The following LNX1 variants were observed in gnomAD, a reference collection of about 807,000 sequenced individuals.
LNX1 encodes the protein E3 ubiquitin-protein ligase LNX.
LNX1 carries 54 observed loss-of-function variants against 68.4 expected under a neutral mutation model. The observed-to-expected ratio is 0.79, with a 90% CI of 0.63 to 0.99. The LOEUF (loss-of-function observed/expected upper bound fraction) is 0.99. Among genes scored for constraint, LNX1 ranks in the 50% least tolerant of loss-of-function variants. The pLI is 0.00. For missense variants in LNX1, 906 were observed against 926.4 expected (o/e 0.98, Z 0.29); for synonymous variants, 336 against 350.0 (o/e 0.96, Z 0.45).
Position 53,459,584 on chromosome 4 carries a change from C to A in LNX1, c.*1323G>T. ...TAGTATGAAAAGTTAACTTTTTTTC[C>A]AAAATAAAAGAGTGAATTTTTCATG... On this transcript the variant is annotated 3_prime_UTR_variant, in exon 11 of 11. Coordinates refer to ENST00000263925, the MANE Select transcript of LNX1 (RefSeq NM_001126328.3). 1 of 1,304,386 alleles carries A rather than the reference C, an allele frequency of 7.7e-7. No homozygotes were observed. 80.8% of individuals were successfully genotyped at this position (1,304,386 alleles called of 1,614,324 possible).
intron 4 of LNX1, among the ~76,000 whole-genome samples, chr4:53,504,244 C>T (rs1459528188): frequency 2.0e-5 from 3 of 152,270 alleles, no homozygotes; most frequent in Non-Finnish European, 2.9e-5. Flanking sequence ...TGCTTCGTTA[C>T]AATCAGCATC....
At chr4:53,497,835 A>G (rs1725181044) in intron 5 of LNX1, among the ~76,000 whole-genome samples, 1 of 152,196 alleles carries the variant, frequency 6.6e-6, no homozygotes, top group Admixed American at 6.5e-5. Context: ...CTCTTATTCC[A>G]ATCAGTTTGC....
intron 1 of LNX1, among the ~76,000 whole-genome samples, chr4:53,578,776 T>C (rs1175313298): frequency 6.6e-6 from 1 of 152,218 alleles, no homozygotes; most frequent in African/African-American, 2.4e-5. Context: ...ACCAAATTCT[T>C]AATATTATGT....
At chr4:53,634,828 ATTTT>A (rs911484711) in intron 1 of LNX1, among the ~76,000 whole-genome samples, 10 of 149,714 alleles carry the variant, frequency 6.7e-5, no homozygotes, top group African/African-American at 2.0e-4. Context: ...TTCTTTTTTA[ATTTT>A]TTATTATTAT....
intron 2 of LNX1, among the ~76,000 whole-genome samples, chr4:53,532,752 T>C (rs1728106099): frequency 6.6e-6 from 1 of 152,176 alleles, no homozygotes; most frequent in Non-Finnish European, 1.5e-5. Flanking sequence ...TATCAGACCA[T>C]ACTTTGCTAG....
intron 2 of LNX1, among the ~76,000 whole-genome samples, chr4:53,530,136 A>G (rs1727917873): frequency 6.6e-6 from 1 of 152,244 alleles, no homozygotes; most frequent in Non-Finnish European, 1.5e-5. Flanking sequence ...CCACAGGCCT[A>G]GCAAATAATA....
At chr4:53,521,873 T>C (rs1240062635) in intron 2 of LNX1, among the ~76,000 whole-genome samples, 1 of 152,138 alleles carries the variant, frequency 6.6e-6, no homozygotes, top group Non-Finnish European at 1.5e-5. Flanking sequence ...CATCATAGCT[T>C]ACCACAGCCT....
At chr4:53,518,063 C>T (rs1355357818) in intron 2 of LNX1, among the ~76,000 whole-genome samples, 2 of 152,148 alleles carry the variant, frequency 1.3e-5, no homozygotes, top group Non-Finnish European at 2.9e-5. Context: ...TGTTAATGAA[C>T]ACCAGACAGG....
chr4:53,540,189 C>A (rs918714243), intron 2 of LNX1, among the ~76,000 whole-genome samples: 6 of 152,006 alleles, frequency 3.9e-5, no homozygotes, highest in African/African-American at 1.5e-4. Context: ...TGAGACCAGT[C>A]TAGACAACAT....
intron 1 of LNX1, among the ~76,000 whole-genome samples, chr4:53,625,532 C>G (rs1402823531): frequency 6.6e-6 from 1 of 152,154 alleles, no homozygotes; most frequent in Non-Finnish European, 1.5e-5. Flanking sequence ...TGTGGTGGCT[C>G]ACACCTGTAA....
At chr4:53,580,120 A>G (rs376428384) in intron 1 of LNX1, among the ~76,000 whole-genome samples, 4 of 152,318 alleles carry the variant, frequency 2.6e-5, no homozygotes, top group East Asian at 3.9e-4. Flanking sequence ...ATTACTTTAT[A>G]AAATAGATGA....
At chr4:53,553,082 T>C (rs1729629585) in intron 2 of LNX1, among the ~76,000 whole-genome samples, 1 of 152,146 alleles carries the variant, frequency 6.6e-6, no homozygotes, top group East Asian at 1.9e-4. Flanking sequence ...TTCAATTTGG[T>C]TTAACTTAAT....
chr4:53,540,325 G>GAC (rs1728663057), intron 2 of LNX1, among the ~76,000 whole-genome samples: 1 of 152,128 alleles, frequency 6.6e-6, no homozygotes, highest in South Asian at 2.1e-4. Flanking sequence ...TGAGGCTGCA[G>GAC]TAAGTCATGA....
chr4:53,556,921 T>C (rs1278647534), intron 2 of LNX1, among the ~76,000 whole-genome samples: 2 of 152,240 alleles, frequency 1.3e-5, no homozygotes, highest in Non-Finnish European at 2.9e-5. Context: ...TCTGTTTTCA[T>C]TTGCCCACTG....
In LNX1 at chr4:53,496,149, G is replaced by T; in HGVS notation, c.1224C>A (p.Ile408=). The change falls in exon 6 of 11, where the codon ATC becomes ATA. Residue 408 remains isoleucine, a synonymous_variant. Coordinates refer to ENST00000263925, the MANE Select transcript of LNX1 (RefSeq NM_001126328.3). ...VRKVDEPGVF[I]FNVLDGGVAY... ...CCACACCGCCATCCAGCACATTGAAGATGAAAACCCCAGGCTCATCCACCT... is the reference window on the plus strand; with the variant it reads ...CCACACCGCCATCCAGCACATTGAATATGAAAACCCCAGGCTCATCCACCT... 1.9e-6 allele frequency: 3 copies of T among 1,614,156 alleles called. No individual in the cohort carries two copies. Among genetic ancestry groups the T allele is most frequent in the Non-Finnish European group, 2.5e-6 (3 of 1,180,028 alleles).
rs184975464 is a variant in LNX1, at chr4:53,507,987, C to T, written c.621G>A (p.Arg207=). The change falls in exon 3 of 11, where the codon AGG becomes AGA. Residue 207 remains arginine, a splice_region_variant and synonymous_variant. Transcript: ENST00000263925. ...PVDSGRSNRT[R]ARPFERSTIR... is the part of the protein sequence containing the mutation. Reference sequence around the variant, plus strand: ...CGGACAACCACCCATTTGACTCACCCCTAGTTCGGTTGCTCCGGCCAGAGT... The same window carrying T: ...CGGACAACCACCCATTTGACTCACCTCTAGTTCGGTTGCTCCGGCCAGAGT... 1 of 1,613,290 alleles carries T rather than the reference C, an allele frequency of 6.2e-7. No homozygotes were observed. Among genetic ancestry groups the T allele is most frequent in the South Asian group, 1.1e-5 (1 of 91,022 alleles).
intron 2 of LNX1, among the ~76,000 whole-genome samples, chr4:53,606,304 C>G (rs1733231716): frequency 6.6e-6 from 1 of 152,004 alleles, no homozygotes. Flanking sequence ...ATTATGAACA[C>G]CTCTATGCAC....
upstream of LNX1, among the ~76,000 whole-genome samples, chr4:53,618,626 A>G (rs571835289): frequency 2.6e-5 from 4 of 152,296 alleles, no homozygotes; most frequent in Admixed American, 6.5e-5. Context: ...CTTTACAAAG[A>G]CACTCACCCT....
intron 4 of LNX1, among the ~76,000 whole-genome samples, chr4:53,504,698 T>C (rs943040785): frequency 1.3e-5 from 2 of 152,270 alleles, no homozygotes; most frequent in African/African-American, 2.4e-5. Flanking sequence ...GTGAGAGACA[T>C]GTGGCTCTTC....
Sources: gnomAD v4.1 joint callset for allele counts (sites outside exome capture counted in the v4.1 genomes callset) on GRCh38, gnomAD v4.1.1 for gene constraint, MANE v1.5 for transcripts, NCBI Gene and HGNC (gene_info 2026-07-23, HGNC 2026-07-21) for gene names.